The following XKR6 variants were observed in gnomAD, a reference collection of about 807,000 sequenced individuals.
XKR6 encodes XK related 6, also known as XK-related protein 6.
A neutral mutation model predicts 56.7 loss-of-function variants in XKR6; 22 were observed. The observed-to-expected ratio is 0.39, with a 90% CI of 0.28 to 0.55. The LOEUF is 0.55. XKR6 is among the 20% of genes least tolerant of loss of function. The pLI, the probability that XKR6 is intolerant of heterozygous loss-of-function variation, is 0.66. For synonymous variants in XKR6, 524 were observed against 387.8 expected, an observed-to-expected ratio of 1.35 and a Z score of -4.13; for missense variants, 852 against 889.0, an observed-to-expected ratio of 0.96 and a Z score of 0.53.
At chr8:11,100,477 A>G (rs1360255950) in intron 1 of XKR6, among the ~76,000 whole-genome samples, 1 of 152,232 alleles carries the variant, frequency 6.6e-6, no homozygotes, top group Non-Finnish European at 1.5e-5. Context: ...GCAATGATTT[A>G]GTCTACAAAC....
At chr8:11,131,188 C>T (rs1457999575) in intron 1 of XKR6, among the ~76,000 whole-genome samples, 3 of 152,100 alleles carry the variant, frequency 2.0e-5, no homozygotes, top group Non-Finnish European at 2.9e-5. Flanking sequence ...TCTCAGTGAG[C>T]CTCTTTCATT....
chr8:10,930,878 T>G (rs1278180476), intron 1 of XKR6, among the ~76,000 whole-genome samples: 1 of 152,350 alleles, frequency 6.6e-6, no homozygotes, highest in Middle Eastern at 3.4e-3. Flanking sequence ...AGGGTTATGA[T>G]GTCTACACAC....
intron 2 of XKR6, among the ~76,000 whole-genome samples, chr8:10,912,654 A>G (rs1800431934): frequency 2.4e-5 from 1 of 41,954 alleles, no homozygotes; most frequent in Non-Finnish European, 5.5e-5. Context: ...GAGGGTGTCT[A>G]TATGTGTGTC....
At chr8:11,097,830 TA>T (rs1798317161) in intron 1 of XKR6, among the ~76,000 whole-genome samples, 2 of 138,590 alleles carry the variant, frequency 1.4e-5, no homozygotes, top group African/African-American at 3.0e-5. Context: ...AAAAAAAAAT[TA>T]TACAAATGTA....
chr8:11,195,258 T>C (rs757022449), intron 1 of XKR6: 19 of 690,452 alleles, frequency 2.8e-5, no homozygotes, highest in Non-Finnish European at 4.7e-5. Flanking sequence ...CTAGTGTTTT[T>C]ACAGTTTAAC....
At chr8:11,168,750 A>C (rs576237720) in intron 1 of XKR6, among the ~76,000 whole-genome samples, 1 of 152,298 alleles carries the variant, frequency 6.6e-6, no homozygotes, top group South Asian at 2.1e-4. Flanking sequence ...TAAAAAGAGA[A>C]ACAGCCTGAA....
rs1804161023 is a variant in XKR6, at chr8:11,200,634, G to A, written c.706C>T (p.Leu236Phe). ...ACCGACTGCCAGATCCACACGGAGA[G>A]GCGACACAGGCGCTGCGCCCCCGGC... The part of the protein sequence containing the change: ...PTPGAQRLCR[L>F]SVWIWQSVIH... The change falls in exon 1 of 3, where the codon CTC becomes TTC. Residue 236 changes from leucine to phenylalanine, a missense_variant. Around this residue, in one of 4 missense-constraint regions of XKR6, gnomAD observed 417 missense variants for 355.2 expected, o/e 1.17. Coordinates refer to ENST00000416569, the MANE Select transcript of XKR6 (RefSeq NM_173683.4). The surrounding 1 kb of genome is among the most constrained non-coding windows in gnomAD (Gnocchi z 6.4). The A allele has an allele frequency of 1.3e-6, 2 of 1,551,628 alleles. No individual in the cohort carries two copies. The highest frequency in any genetic ancestry group is 1.2e-5 in the South Asian group (1 of 81,970).
chr8:10,931,261 T>C (rs577264131), intron 1 of XKR6, among the ~76,000 whole-genome samples: 9 of 152,252 alleles, frequency 5.9e-5, no homozygotes, highest in African/African-American at 1.7e-4. Context: ...TGCAAGATGC[T>C]AATAAAAGAA....
At chr8:11,002,405 C>A in intron 1 of XKR6, 1 of 394,314 alleles carries the variant, frequency 2.5e-6, no homozygotes, top group Non-Finnish European at 5.4e-6. Context: ...TTCTGTTGGC[C>A]TGGGGGAGGC....
intron 1 of XKR6, among the ~76,000 whole-genome samples, chr8:10,981,768 C>T (rs1448459050): frequency 6.6e-6 from 1 of 152,222 alleles, no homozygotes; most frequent in South Asian, 2.1e-4. Context: ...CCTTCATATT[C>T]TAGCTTCAGT....
chr8:10,940,385 C>A (rs189494394), intron 1 of XKR6, among the ~76,000 whole-genome samples: 4 of 152,300 alleles, frequency 2.6e-5, no homozygotes, highest in Admixed American at 2.6e-4. Flanking sequence ...TCACTGTGGA[C>A]AACCTACAGC....
intron 1 of XKR6, among the ~76,000 whole-genome samples, chr8:11,056,810 C>T (rs1045026452): frequency 6.6e-6 from 1 of 152,222 alleles, no homozygotes; most frequent in African/African-American, 2.4e-5. Context: ...ATCTGCCTTC[C>T]TGCTCCTCCC....
intron 1 of XKR6, among the ~76,000 whole-genome samples, chr8:11,012,535 G>T (rs1293516071): frequency 6.6e-6 from 1 of 151,992 alleles, no homozygotes; most frequent in African/African-American, 2.4e-5. Flanking sequence ...GCAGTCCCTG[G>T]CTACATCCCT....
At chr8:11,154,234 G>C (rs376230971) in intron 1 of XKR6, among the ~76,000 whole-genome samples, 2 of 152,178 alleles carry the variant, frequency 1.3e-5, no homozygotes, top group African/African-American at 4.8e-5. Flanking sequence ...CAGTAGACAT[G>C]GTGACGGAGT....
chr8:10,933,375 C>T (rs6992699), intron 1 of XKR6, among the ~76,000 whole-genome samples: 7,955 of 63,744 alleles, frequency 0.12, 849 homozygotes, highest in Middle Eastern at 0.34. Flanking sequence ...GTAGTTTCTT[C>T]TGCTGTGCAG....
At chr8:11,095,619 A>G (rs956727992) in intron 1 of XKR6, among the ~76,000 whole-genome samples, 1 of 152,258 alleles carries the variant, frequency 6.6e-6, no homozygotes, top group Non-Finnish European at 1.5e-5. Context: ...CGCACCCGCC[A>G]TGCCAATAAA....
chr8:10,904,604 T>G (rs1586286456), intron 2 of XKR6, among the ~76,000 whole-genome samples: 1 of 151,716 alleles, frequency 6.6e-6, no homozygotes, highest in South Asian at 2.1e-4. Context: ...AGCAAGGAGG[T>G]GCCACGGAAG....
chr8:11,120,049 G>A (rs1799370313), intron 1 of XKR6, among the ~76,000 whole-genome samples: 1 of 152,160 alleles, frequency 6.6e-6, no homozygotes, highest in Admixed American at 6.5e-5. Flanking sequence ...AATAATAAGA[G>A]CTATCTATGA....
At chr8:11,118,488 C>A (rs1799287173) in intron 1 of XKR6, among the ~76,000 whole-genome samples, 1 of 152,148 alleles carries the variant, frequency 6.6e-6, no homozygotes, top group Non-Finnish European at 1.5e-5. Context: ...ATTTCAGAGC[C>A]TGTTATTGGT....
Sources: gnomAD v4.1 joint callset for allele counts (sites outside exome capture counted in the v4.1 genomes callset) on GRCh38, gnomAD v4.1.1 for gene constraint, gnomAD v4.1.1 regional missense constraint, Gnocchi (gnomAD v3.1) non-coding constraint, MANE v1.5 for transcripts, NCBI Gene and HGNC (gene_info 2026-07-23, HGNC 2026-07-21) for gene names.